Variants in GRIP1 observed in about 807,000 individuals in gnomAD.
GRIP1 encodes glutamate receptor interacting protein 1.
Under a neutral mutation model 129.9 loss-of-function variants are expected in GRIP1, and 45 were observed. The observed-to-expected ratio is 0.35, with a 90% CI of 0.27 to 0.44. The LOEUF (loss-of-function observed/expected upper bound fraction) is 0.44. GRIP1 is among the 20% of genes least tolerant of loss of function. The pLI, the probability that GRIP1 is intolerant of heterozygous loss-of-function variation, is 1.00. For synonymous variants in GRIP1, 530 were observed against 520.8 expected (o/e 1.02, Z -0.24); for missense variants, 1,196 against 1,396.8 (o/e 0.86, Z 2.29).
chr12:67,005,080 T>C (rs997177645), intron 1 of GRIP1, among the ~76,000 whole-genome samples: 13 of 151,322 alleles, frequency 8.6e-5, no homozygotes, highest in African/African-American at 3.2e-4. Flanking sequence ...GCAGGAAATA[T>C]GAAATAACTT....
At chr12:67,021,064 C>G (rs1271521151) in intron 1 of GRIP1, among the ~76,000 whole-genome samples, 1 of 152,018 alleles carries the variant, frequency 6.6e-6, no homozygotes, top group Non-Finnish European at 1.5e-5. Flanking sequence ...TACCACTGCA[C>G]TCCAGTCTGG....
intron 1 of GRIP1, among the ~76,000 whole-genome samples, chr12:67,061,230 C>T (rs749435834): frequency 2.0e-5 from 3 of 152,234 alleles, no homozygotes; most frequent in Admixed American, 6.5e-5. Context: ...ATGCCTCCAT[C>T]CAGAGATGGC....
intron 9 of GRIP1, among the ~76,000 whole-genome samples, chr12:66,457,319 G>A (rs1470740399): frequency 6.6e-6 from 1 of 152,224 alleles, no homozygotes; most frequent in Non-Finnish European, 1.5e-5. Context: ...CCAGGCTGGA[G>A]TGCAGTGGTG....
At chr12:66,883,306 C>T (rs1246388955) in intron 1 of GRIP1, among the ~76,000 whole-genome samples, 1 of 152,096 alleles carries the variant, frequency 6.6e-6, no homozygotes, top group Non-Finnish European at 1.5e-5. Context: ...TTAGTCTTCA[C>T]ACTAGATTAT....
At chr12:66,545,290 A>T (rs970146487) in intron 2 of GRIP1, among the ~76,000 whole-genome samples, 2 of 152,212 alleles carry the variant, frequency 1.3e-5, no homozygotes, top group African/African-American at 4.8e-5. Flanking sequence ...TTTGTAATTC[A>T]ATCTTTTTAA....
chr12:66,934,923 G>A (rs2041460376), intron 1 of GRIP1, among the ~76,000 whole-genome samples: 1 of 152,220 alleles, frequency 6.6e-6, no homozygotes, highest in African/African-American at 2.4e-5. Flanking sequence ...GGTAATGAAA[G>A]GGGAATTGCC....
At chr12:66,730,153 C>A (rs553799083) in intron 1 of GRIP1, among the ~76,000 whole-genome samples, 30 of 152,174 alleles carry the variant, frequency 2.0e-4, no homozygotes, top group African/African-American at 7.2e-4. Flanking sequence ...AATTATTACA[C>A]CTATTAGTAG....
chr12:66,930,184 C>A (rs1025396908), intron 1 of GRIP1, among the ~76,000 whole-genome samples: 10 of 149,406 alleles, frequency 6.7e-5, no homozygotes, highest in Admixed American at 2.7e-4. Context: ...TATACATGTG[C>A]CATGCTGGTG....
chr12:66,605,322 G>A (rs548983267), intron 1 of GRIP1, among the ~76,000 whole-genome samples: 1 of 152,116 alleles, frequency 6.6e-6, no homozygotes, highest in Non-Finnish European at 1.5e-5. Context: ...GTAAACCGTA[G>A]AGAAAAAGAG....
At chr12:66,553,998 C>T (rs2062231240) in intron 2 of GRIP1, among the ~76,000 whole-genome samples, 3 of 152,110 alleles carry the variant, frequency 2.0e-5, no homozygotes, top group Admixed American at 6.5e-5. Flanking sequence ...GACTGCAACT[C>T]CTAGGCAAGT....
chr12:66,789,795 C>G (rs1271006502), intron 1 of GRIP1, among the ~76,000 whole-genome samples: 6 of 152,068 alleles, frequency 3.9e-5, no homozygotes, highest in African/African-American at 1.4e-4. Flanking sequence ...AAGATAGTTA[C>G]AGTAATTGTT....
chr12:66,460,699 T>A (rs562411720), intron 9 of GRIP1, among the ~76,000 whole-genome samples: 1 of 152,314 alleles, frequency 6.6e-6, no homozygotes, highest in African/African-American at 2.4e-5. Context: ...GCTAACACAA[T>A]CTGGAAATTT....
chr12:66,483,931 C>T (rs1343936522), intron 7 of GRIP1, among the ~76,000 whole-genome samples: 1 of 151,408 alleles, frequency 6.6e-6, no homozygotes, highest in African/African-American at 2.4e-5. Context: ...GGGATCTCGG[C>T]TCACTGCAAG....
At chr12:66,991,479 A>C (rs1038629628) in intron 1 of GRIP1, among the ~76,000 whole-genome samples, 2 of 152,254 alleles carry the variant, frequency 1.3e-5, no homozygotes, top group African/African-American at 4.8e-5. Context: ...AGGAAAAATC[A>C]AGTAGTTATA....
intron 2 of GRIP1, among the ~76,000 whole-genome samples, chr12:66,582,791 T>C (rs1362816633): frequency 6.9e-6 from 1 of 145,958 alleles, no homozygotes; most frequent in Non-Finnish European, 1.5e-5. Flanking sequence ...TCCATGCTCA[T>C]GGGTAGGAAG....
intron 2 of GRIP1, chr12:66,568,839 A>G (rs2062856199): frequency 2.4e-6 from 1 of 414,938 alleles, no homozygotes; most frequent in East Asian, 6.8e-5. Context: ...GGCAATTAGT[A>G]CAGGTCCAAC....
At chr12:66,947,547 ACATGCTGCTT>A (rs1160394575) in intron 1 of GRIP1, among the ~76,000 whole-genome samples, 2 of 152,232 alleles carry the variant, frequency 1.3e-5, no homozygotes, top group Non-Finnish European at 2.9e-5. Flanking sequence ...TTGATACGGT[ACATGCTGCTT>A]CATGAGTTTA....
chr12:66,838,004 G>A lies in GRIP1; in HGVS notation c.58+231046C>T, dbSNP rs190780236. Among the ~76,000 whole-genome samples the A allele has an allele frequency of 2.4e-3, 358 of 152,208 alleles. 3 individuals are homozygous for A. The highest frequency in any genetic ancestry group is 8.4e-3 in the African/African-American group (347 of 41,532). ...AGGTCAGGAGTTCGCGACCAGTGTG[G>A]CCAACATGGTGAAACCCTGTGCCTA... On this transcript the variant is annotated intron_variant, in intron 1 of 1. Transcript: ENST00000643019.
At chr12:66,531,302 T>TATATAC (rs1565833961) in intron 4 of GRIP1, among the ~76,000 whole-genome samples, 10 of 98,188 alleles carry the variant, frequency 1.0e-4, no homozygotes, top group Non-Finnish European at 1.5e-4. Flanking sequence ...TATATATATA[T>TATATAC]ACACACACAC....
Sources: gnomAD v4.1 joint callset for allele counts (sites outside exome capture counted in the v4.1 genomes callset) on GRCh38, gnomAD v4.1.1 for gene constraint, MANE v1.5 for transcripts, NCBI Gene and HGNC (gene_info 2026-07-23, HGNC 2026-07-21) for gene names.